The following AOAH variants were observed in gnomAD, a reference collection of about 807,000 sequenced individuals.
AOAH encodes the protein acyloxyacyl hydrolase.
Under a neutral mutation model 92.2 loss-of-function variants are expected in AOAH, and 64 were observed. The observed-to-expected ratio is 0.69, with a 90% CI of 0.57 to 0.86. The LOEUF (loss-of-function observed/expected upper bound fraction) is 0.86. Among genes scored for constraint, AOAH ranks in the 40% least tolerant of loss-of-function variants. AOAH has a pLI of 0.00. For missense variants in AOAH, 656 were observed against 694.6 expected (o/e 0.94, Z 0.62); for synonymous variants, 263 against 254.5 (o/e 1.03, Z -0.32).
At chr7:36,553,405 G>C (rs1583801646) in intron 13 of AOAH, among the ~76,000 whole-genome samples, 1 of 151,364 alleles carries the variant, frequency 6.6e-6, no homozygotes, top group South Asian at 2.1e-4. Flanking sequence ...ATTTGGGTTG[G>C]TTCCAAGTCT....
At chr7:36,620,082 A>G (rs575313252) in intron 9 of AOAH, among the ~76,000 whole-genome samples, 1 of 152,160 alleles carries the variant, frequency 6.6e-6, no homozygotes, top group East Asian at 1.9e-4. Flanking sequence ...AAGAAAGGGA[A>G]CTGAATTTCT....
At chr7:36,577,009 G>T (rs979028095) in intron 12 of AOAH, among the ~76,000 whole-genome samples, 6 of 150,022 alleles carry the variant, frequency 4.0e-5, no homozygotes, top group African/African-American at 1.5e-4. Flanking sequence ...TTTTGAACCT[G>T]ATCATGTTGC....
intron 1 of AOAH, among the ~76,000 whole-genome samples, chr7:36,716,041 C>G (rs1262124177): frequency 6.6e-6 from 1 of 151,990 alleles, no homozygotes; most frequent in Admixed American, 6.6e-5. Context: ...AACAGGCAAC[C>G]TACAGAATGG....
intron 1 of AOAH, among the ~76,000 whole-genome samples, chr7:36,707,981 T>C (rs1349787250): frequency 2.0e-5 from 3 of 152,060 alleles, no homozygotes; most frequent in African/African-American, 4.8e-5. Flanking sequence ...TTTGTAAAGA[T>C]GGAGTCTTGT....
chr7:36,653,995 A>G (rs1015271340), intron 4 of AOAH, among the ~76,000 whole-genome samples: 6 of 152,160 alleles, frequency 3.9e-5, no homozygotes, highest in African/African-American at 1.4e-4. Context: ...CACTGGATAC[A>G]CACGAATAAG....
intron 11 of AOAH, among the ~76,000 whole-genome samples, chr7:36,611,051 G>T (rs1791418053): frequency 6.6e-6 from 1 of 152,136 alleles, no homozygotes; most frequent in African/African-American, 2.4e-5. Flanking sequence ...ACAATAACTT[G>T]GTGATAAAGC....
chr7:36,558,972 G>A (rs1331468769), intron 13 of AOAH, among the ~76,000 whole-genome samples: 7 of 152,342 alleles, frequency 4.6e-5, no homozygotes, highest in African/African-American at 1.4e-4. Context: ...CACATGGTGC[G>A]CTGCACCCAC....
intron 1 of AOAH, among the ~76,000 whole-genome samples, chr7:36,703,511 A>G (rs1318805674): frequency 6.6e-6 from 1 of 152,108 alleles, no homozygotes; most frequent in Non-Finnish European, 1.5e-5. Flanking sequence ...CGTCATCTAC[A>G]TTCGGTATTT....
intron 4 of AOAH, among the ~76,000 whole-genome samples, chr7:36,641,484 CA>C (rs573336633): frequency 6.6e-6 from 1 of 152,106 alleles, no homozygotes; most frequent in Non-Finnish European, 1.5e-5. Context: ...GGCATGTAGG[CA>C]ACAAGTGCCT....
intron 1 of AOAH, among the ~76,000 whole-genome samples, chr7:36,717,473 G>A (rs1039158450): frequency 1.3e-5 from 2 of 151,716 alleles, no homozygotes; most frequent in African/African-American, 4.8e-5. Context: ...ACACTTCTGC[G>A]GGCTGAACTA....
intron 11 of AOAH, among the ~76,000 whole-genome samples, chr7:36,606,067 T>C (rs1333567211): frequency 6.6e-6 from 1 of 152,174 alleles, no homozygotes; most frequent in Non-Finnish European, 1.5e-5. Flanking sequence ...TAAAATATAA[T>C]AAGAAAGCAC....
intron 11 of AOAH, among the ~76,000 whole-genome samples, chr7:36,599,529 C>T (rs1257066592): frequency 6.6e-6 from 1 of 152,176 alleles, no homozygotes; most frequent in East Asian, 1.9e-4. Context: ...AGTACAAAGT[C>T]ACTTGGAGGA....
intron 3 of AOAH, among the ~76,000 whole-genome samples, chr7:36,666,405 T>C (rs34983412): frequency 0.19 from 29,041 of 152,006 alleles, 3,065 homozygotes; most frequent in Non-Finnish European, 0.24. Flanking sequence ...TCTCTTTCAG[T>C]TCTGATATCA....
chr7:36,709,833 G>A (rs1798649065), intron 1 of AOAH, among the ~76,000 whole-genome samples: 3 of 152,048 alleles, frequency 2.0e-5, no homozygotes, highest in Admixed American at 6.6e-5. Context: ...GAAAAAGCTT[G>A]CATATAAAAA....
chr7:36,578,796 A>G (rs1017587348), intron 12 of AOAH, among the ~76,000 whole-genome samples: 1 of 152,152 alleles, frequency 6.6e-6, no homozygotes, highest in African/African-American at 2.4e-5. Flanking sequence ...TTTTCTAAGT[A>G]TTTATCATTG....
At chr7:36,562,019 T>G (rs1787310329) in intron 13 of AOAH, among the ~76,000 whole-genome samples, 1 of 152,224 alleles carries the variant, frequency 6.6e-6, no homozygotes, top group Non-Finnish European at 1.5e-5. Flanking sequence ...AATGTCTATT[T>G]TTTATAGTAG....
intron 1 of AOAH, among the ~76,000 whole-genome samples, chr7:36,702,408 A>T (rs1438163880): frequency 2.6e-5 from 4 of 152,082 alleles, no homozygotes; most frequent in Non-Finnish European, 5.9e-5. Context: ...TTTCACTTTC[A>T]TTTCTGAATA....
At chr7:36,641,031 G>A (rs1258591935) in intron 4 of AOAH, among the ~76,000 whole-genome samples, 1 of 152,106 alleles carries the variant, frequency 6.6e-6, no homozygotes, top group Non-Finnish European at 1.5e-5. Flanking sequence ...AGCTTCTTAG[G>A]GGACCTGCAG....
rs1449038043 is a variant in AOAH, at chr7:36,549,436, T to A, written c.1058+3A>T. On this transcript the variant is annotated splice_donor_region_variant and intron_variant, in intron 14 of 20. Transcript: ENST00000617537. ...TAAAAACAACTTCTTATCTTCTGCT[T>A]ACCTTTCTATAAATTTCTTCAGGTT... The A allele has an allele frequency of 6.3e-7, 1 of 1,593,096 alleles. No individual in the cohort carries two copies. Among genetic ancestry groups the A allele is most frequent in the East Asian group, 2.2e-5 (1 of 44,732 alleles).
Sources: gnomAD v4.1 joint callset for allele counts (sites outside exome capture counted in the v4.1 genomes callset) on GRCh38, gnomAD v4.1.1 for gene constraint, MANE v1.5 for transcripts, NCBI Gene and HGNC (gene_info 2026-07-23, HGNC 2026-07-21) for gene names.